CORIN: variants seen among roughly 807,000 people sequenced by gnomAD.
CORIN encodes the protein atrial natriuretic peptide-converting enzyme.
In CORIN, 117 loss-of-function variants were observed where a neutral mutation model predicts 125.3. The observed-to-expected ratio is 0.93, with a 90% CI of 0.80 to 1.09. The LOEUF is 1.09. Among genes scored for constraint, CORIN ranks in the 50% least tolerant of loss-of-function variants. The pLI, the probability that CORIN is intolerant of heterozygous loss-of-function variation, is 0.00. For synonymous variants in CORIN, 450 were observed against 466.4 expected, an observed-to-expected ratio of 0.96 and a Z score of 0.45; for missense variants, 1,253 against 1,306.7, an observed-to-expected ratio of 0.96 and a Z score of 0.63.
intron 19 of CORIN, among the ~76,000 whole-genome samples, chr4:47,611,342 T>C (rs1012226448): frequency 2.6e-5 from 4 of 152,182 alleles, no homozygotes; most frequent in African/African-American, 9.6e-5. Context: ...AGGTATTTTA[T>C]TCTGTTTGTA....
intron 5 of CORIN, among the ~76,000 whole-genome samples, chr4:47,705,722 T>G (rs1160046355): frequency 1.3e-5 from 2 of 152,136 alleles, no homozygotes; most frequent in African/African-American, 2.4e-5. Flanking sequence ...AGATTCAAAT[T>G]TCAGCAAAAG....
intron 20 of CORIN, among the ~76,000 whole-genome samples, chr4:47,601,318 ATC>A (rs1044168462): frequency 8.6e-6 from 1 of 116,564 alleles, no homozygotes; most frequent in African/African-American, 2.8e-5. Flanking sequence ...AATTCAGCAG[ATC>A]TTTTTTTTTT....
chr4:47,721,154 T>C (rs1434030773), intron 5 of CORIN, among the ~76,000 whole-genome samples: 1 of 150,656 alleles, frequency 6.6e-6, no homozygotes, highest in Non-Finnish European at 1.5e-5. Context: ...CCTCTCTTGA[T>C]GCATGTACAG....
At chr4:47,708,884 G>C (rs1044286368) in intron 5 of CORIN, among the ~76,000 whole-genome samples, 48 of 152,316 alleles carry the variant, frequency 3.2e-4, no homozygotes, top group African/African-American at 1.2e-3. Flanking sequence ...CCTGTAATGA[G>C]AATGTTCAAA....
chr4:47,604,855 T>C (rs745399085), intron 19 of CORIN, among the ~76,000 whole-genome samples: 2 of 152,188 alleles, frequency 1.3e-5, no homozygotes, highest in Non-Finnish European at 2.9e-5. Flanking sequence ...CAGAGCAATA[T>C]TTAAAAAAAA....
chr4:47,812,406 G>C (rs748853533), intron 1 of CORIN, among the ~76,000 whole-genome samples: 1 of 152,166 alleles, frequency 6.6e-6, no homozygotes, highest in African/African-American at 2.4e-5. Flanking sequence ...TTAGGAAGCT[G>C]AGGTGGGAGG....
At chr4:47,722,776 C>T (rs1222054639) in intron 5 of CORIN, among the ~76,000 whole-genome samples, 2 of 152,092 alleles carry the variant, frequency 1.3e-5, no homozygotes, top group African/African-American at 4.8e-5. Context: ...TAAAAATGTC[C>T]CACCTTACCT....
At chr4:47,831,710 TCTATG>T (rs1350952611) in intron 1 of CORIN, among the ~76,000 whole-genome samples, 1 of 152,134 alleles carries the variant, frequency 6.6e-6, no homozygotes, top group Non-Finnish European at 1.5e-5. Flanking sequence ...GACTGACCTA[TCTATG>T]CATCTGTAAT....
At chr4:47,653,400 A>C (rs962966461) in intron 13 of CORIN, among the ~76,000 whole-genome samples, 153 bp downstream of exon 13, 1 of 152,250 alleles carries the variant, frequency 6.6e-6, no homozygotes, top group Non-Finnish European at 1.5e-5. Context: ...CACTTAAAAT[A>C]TATGCCATAC....
intron 12 of CORIN, among the ~76,000 whole-genome samples, chr4:47,657,668 C>A (rs1263985839): frequency 6.6e-6 from 1 of 151,942 alleles, no homozygotes; most frequent in African/African-American, 2.4e-5. Context: ...CCTCACGAAG[C>A]TTACAATCAT....
intron 1 of CORIN, among the ~76,000 whole-genome samples, chr4:47,822,606 T>C (rs1732566378): frequency 6.6e-6 from 1 of 152,232 alleles, no homozygotes; most frequent in Admixed American, 6.5e-5. Flanking sequence ...TCAGTTGTGG[T>C]TTAGGATTAA....
chr4:47,824,937 A>G (rs1481479942), intron 1 of CORIN, among the ~76,000 whole-genome samples: 2 of 152,142 alleles, frequency 1.3e-5, no homozygotes, highest in East Asian at 1.9e-4. Flanking sequence ...GACAGCTTTG[A>G]GGGGCCTCCC....
intron 19 of CORIN, among the ~76,000 whole-genome samples, chr4:47,608,959 TCTCTCACC>T (rs1018132419): frequency 1.3e-5 from 2 of 152,186 alleles, no homozygotes; most frequent in African/African-American, 4.8e-5. Context: ...AAATTTCCCT[TCTCTCACC>T]CTCTCTGACT....
chr4:47,614,057 G>T (rs1201848484), intron 19 of CORIN, among the ~76,000 whole-genome samples: 1 of 152,134 alleles, frequency 6.6e-6, no homozygotes, highest in African/African-American at 2.4e-5. Context: ...AATAAAAATG[G>T]CTTCTTGGCA....
intron 2 of CORIN, among the ~76,000 whole-genome samples, chr4:47,795,023 C>G (rs996461759): frequency 1.3e-5 from 2 of 152,074 alleles, no homozygotes; most frequent in Non-Finnish European, 2.9e-5. Flanking sequence ...TGCAATTTTC[C>G]TAACACCATT....
chr4:47,773,155 T>G (rs1730139334), intron 3 of CORIN, among the ~76,000 whole-genome samples: 2 of 152,336 alleles, frequency 1.3e-5, no homozygotes, highest in South Asian at 4.1e-4. Flanking sequence ...ATTTCACATA[T>G]TTAGCCAAAA....
chr4:47,809,753 G>A (rs1731979852), intron 1 of CORIN, among the ~76,000 whole-genome samples: 1 of 152,134 alleles, frequency 6.6e-6, no homozygotes, highest in Admixed American at 6.5e-5. Flanking sequence ...GAAATAGGTA[G>A]GAGAAATTCA....
At chr4:47,803,977 G>T (rs1462391851) in intron 2 of CORIN, among the ~76,000 whole-genome samples, 1 of 152,174 alleles carries the variant, frequency 6.6e-6, no homozygotes, top group Admixed American at 6.5e-5. Flanking sequence ...TTCATAATCA[G>T]AATTTATAAG....
rs1350520131 is a variant in CORIN, at chr4:47,623,822, C to T, written c.2365+77G>A. ...ATGCTTAGCTCTTTGCTGTCACTTA[C>T]AAGCGATCACTCTTCCCCTGAGCCA... On this transcript the variant is annotated intron_variant, in intron 18 of 21. Transcript: ENST00000273857. The T allele has an allele frequency of 6.8e-6, 11 of 1,607,280 alleles. No individual in the cohort carries two copies. In the Admixed American group the frequency reaches 1.5e-4, roughly 22 times the overall value.
Sources: allele counts gnomAD v4.1 joint callset (sites outside exome capture counted in the v4.1 genomes callset), GRCh38; gene constraint gnomAD v4.1.1; transcripts MANE v1.5; gene names NCBI Gene and HGNC (gene_info 2026-07-23, HGNC 2026-07-21).